Variants in NLRP5 observed in about 807,000 individuals in gnomAD.
NLRP5 encodes the protein NACHT, LRR and PYD domains-containing protein 5.
Under a neutral mutation model 113.1 loss-of-function variants are expected in NLRP5, and 93 were observed. The observed-to-expected ratio is 0.82, with a 90% confidence interval of 0.70 to 0.98. The LOEUF is 0.98. Among genes scored for constraint, NLRP5 ranks in the 50% least tolerant of loss-of-function variants. NLRP5 has a pLI of 0.00. For synonymous variants in NLRP5, 751 were observed against 600.7 expected, an observed-to-expected ratio of 1.25 and a Z score of -3.66; for missense variants, 1,808 against 1,514.3, an observed-to-expected ratio of 1.19 and a Z score of -3.22.
intron 4 of NLRP5, among the ~76,000 whole-genome samples, chr19:56,016,869 C>T (rs546224845): frequency 3.3e-5 from 5 of 151,918 alleles, no homozygotes; most frequent in Non-Finnish European, 5.9e-5. Context: ...GGTGCAGTGG[C>T]GCGATCTCAG....
intron 3 of NLRP5, among the ~76,000 whole-genome samples, chr19:56,013,996 A>G (rs371895265): frequency 6.6e-6 from 1 of 151,996 alleles, no homozygotes; most frequent in African/African-American, 2.4e-5. Context: ...TAACTTCATT[A>G]TATTGTTGAC....
intron 2 of NLRP5, among the ~76,000 whole-genome samples, chr19:56,005,126 A>G: frequency 7.0e-6 from 1 of 142,316 alleles, no homozygotes; most frequent in Middle Eastern, 3.7e-3. Flanking sequence ...ATATATATAT[A>G]ATATATACAC....
the NLRP5 span, chr19:55,987,831 C>G: frequency 6.2e-7 from 1 of 1,613,936 alleles, no homozygotes; most frequent in Non-Finnish European, 8.5e-7. Flanking sequence ...CCTGCCTGGA[C>G]TCGAATAACT....
chr19:56,032,779 G>T lies in NLRP5; in HGVS notation c.2445G>T (p.Leu815=), dbSNP rs778573674. 1 of 1,603,708 alleles carries T rather than the reference G, an allele frequency of 6.2e-7. No individual in the cohort carries two copies. Among genetic ancestry groups the T allele is most frequent in the South Asian group, 1.1e-5 (1 of 89,438 alleles). The change falls in exon 8 of 15, where the codon CTG becomes CTT. Residue 815 remains leucine, a splice_region_variant and synonymous_variant. Coordinates refer to ENST00000390649, the MANE Select transcript of NLRP5 (RefSeq NM_153447.4). Reference sequence around the variant, plus strand: ...ATCCCACCTGCAAGATACAGACCCTGATGTAAGGCTGCCCGCCCCCTACGA... The same window carrying T: ...ATCCCACCTGCAAGATACAGACCCTTATGTAAGGCTGCCCGCCCCCTACGA...
chr19:55,998,453 A>ACCAGT (rs1981411627), upstream of NLRP5, among the ~76,000 whole-genome samples: 1 of 151,958 alleles, frequency 6.6e-6, no homozygotes. Flanking sequence ...GGAGTTCGAG[A>ACCAGT]CCAGTCTGGC....
chr19:55,995,426 T>C (rs1328573084), upstream of NLRP5, among the ~76,000 whole-genome samples: 1 of 152,208 alleles, frequency 6.6e-6, no homozygotes, highest in African/African-American at 2.4e-5. Context: ...GAGTTGGCTA[T>C]AAATATATGG....
At chr19:56,033,752 T>C (rs752983324) in intron 9 of NLRP5, 43 bp downstream of exon 9, 4 of 1,527,790 alleles carry the variant, frequency 2.6e-6, no homozygotes, top group Non-Finnish European at 3.6e-6. Flanking sequence ...TCTTCGTTTT[T>C]ACTTGTGTTT....
intron 9 of NLRP5, among the ~76,000 whole-genome samples, chr19:56,035,694 C>G (rs922736624): frequency 6.6e-6 from 1 of 152,164 alleles, no homozygotes; most frequent in South Asian, 2.1e-4. Context: ...GAGTATTGCT[C>G]TCTTCTCTTC....
At chr19:56,053,253 G>A (rs1301098516) in intron 12 of NLRP5, among the ~76,000 whole-genome samples, 1 of 151,524 alleles carries the variant, frequency 6.6e-6, no homozygotes, top group Non-Finnish European at 1.5e-5. Flanking sequence ...AAATTAGCTG[G>A]GCACAGTGGC....
intron 6 of NLRP5, among the ~76,000 whole-genome samples, chr19:56,023,654 A>G (rs372277208): frequency 6.6e-6 from 1 of 152,170 alleles, no homozygotes; most frequent in African/African-American, 2.4e-5. Flanking sequence ...ATCGTGTTAG[A>G]TATTATAAGC....
chr19:56,050,613 C>T (rs755754364), intron 12 of NLRP5, 25 bp downstream of exon 12: 1 of 1,607,920 alleles, frequency 6.2e-7, no homozygotes, highest in South Asian at 1.1e-5. Context: ...GGCGTTGGGT[C>T]AACTCTATCA....
chr19:56,017,866 T>G (rs527349024), intron 4 of NLRP5, among the ~76,000 whole-genome samples: 1 of 152,274 alleles, frequency 6.6e-6, no homozygotes, highest in East Asian at 1.9e-4. Context: ...CAGGATGGAG[T>G]GCGGTCGCGC....
At position 56,053,907 on chromosome 19, in the gene NLRP5, A is replaced by G. The variant is rs147553613; in HGVS notation, c.3299+99A>G. The G allele has an allele frequency of 4.9e-4, 558 of 1,130,040 alleles. 6 individuals are homozygous for G. The African/African-American group carries it at 7.2e-3, about 14-fold the overall frequency. The allele number at this position is 1,130,040 out of a possible 1,614,324, so 70.0% of individuals were successfully genotyped here. A position where few individuals can be genotyped will look rare whatever the true frequency, so the allele number is the denominator to read the frequency against. Reference sequence around the variant, plus strand: ...CAGGGATGATGATGATCTGGTTTCCATGAGTCCCTCAAGTTAGATGGAGTG... The same window carrying G: ...CAGGGATGATGATGATCTGGTTTCCGTGAGTCCCTCAAGTTAGATGGAGTG... On this transcript the variant is annotated intron_variant, in intron 13 of 14. Coordinates refer to ENST00000390649, the MANE Select transcript of NLRP5 (RefSeq NM_153447.4).
intron 11 of NLRP5, among the ~76,000 whole-genome samples, chr19:56,045,556 C>T (rs912770921): frequency 2.0e-5 from 3 of 152,024 alleles, no homozygotes; most frequent in African/African-American, 7.3e-5. Context: ...TGCTATCCCT[C>T]CTCCGACCCC....
chr19:56,000,617 G>C (rs1209113336), intron 1 of NLRP5, among the ~76,000 whole-genome samples: 1 of 151,748 alleles, frequency 6.6e-6, no homozygotes, highest in African/African-American at 2.4e-5. Context: ...GCCCACTTTG[G>C]CCTCCCAAAG....
chr19:55,993,101 G>A, the NLRP5 span, among the ~76,000 whole-genome samples: 4 of 151,758 alleles, frequency 2.6e-5, no homozygotes, highest in East Asian at 3.9e-4. Context: ...CACCCACCTC[G>A]GCCTCCCAAA....
intron 2 of NLRP5, among the ~76,000 whole-genome samples, chr19:56,005,574 T>TACACAC (rs74179655): frequency 5.4e-5 from 7 of 129,712 alleles, no homozygotes; most frequent in Admixed American, 1.6e-4. Context: ...TATATATTTA[T>TACACAC]ACACACACGC....
At chr19:56,013,025 C>T (rs1453519354) in intron 3 of NLRP5, among the ~76,000 whole-genome samples, 5 of 151,998 alleles carry the variant, frequency 3.3e-5, no homozygotes, top group African/African-American at 1.2e-4. Flanking sequence ...TTTCATCACC[C>T]CAGAAAACCA....
chr19:56,022,191 C>T (rs745853909), intron 6 of NLRP5, among the ~76,000 whole-genome samples: 1 of 152,140 alleles, frequency 6.6e-6, no homozygotes, highest in African/African-American at 2.4e-5. Flanking sequence ...GACACCTTCA[C>T]GCTAACCTAG....
Sources: gnomAD v4.1 joint callset for allele counts (sites outside exome capture counted in the v4.1 genomes callset) on GRCh38, gnomAD v4.1.1 for gene constraint, MANE v1.5 for transcripts, NCBI Gene and HGNC (gene_info 2026-07-23, HGNC 2026-07-21) for gene names.